LRP1B: variants seen among roughly 807,000 people sequenced by gnomAD.
LRP1B encodes low-density lipoprotein receptor-related protein 1B.
Under a neutral mutation model 556.6 loss-of-function variants are expected in LRP1B, and 217 were observed. The observed-to-expected ratio is 0.39, with a 90% confidence interval of 0.35 to 0.44. The LOEUF (loss-of-function observed/expected upper bound fraction) is 0.44. LRP1B is among the 20% of genes least tolerant of loss of function. The probability of loss-of-function intolerance (pLI) is 1.00; values close to 1 mark genes in which losing one functional copy is unlikely to be tolerated. For synonymous variants in LRP1B, 2,047 were observed against 1,865.8 expected (o/e 1.10, Z -2.50); for missense variants, 5,053 against 5,620.8 (o/e 0.90, Z 3.23).
chr2:141,031,300 AAGAG>A (rs1201134291), intron 11 of LRP1B, among the ~76,000 whole-genome samples: 1 of 147,700 alleles, frequency 6.8e-6, no homozygotes, highest in Admixed American at 6.8e-5. Context: ...TATATATATA[AAGAG>A]AGAGAGAGAG....
intron 15 of LRP1B, among the ~76,000 whole-genome samples, chr2:141,000,897 A>T (rs1384271260): frequency 1.8e-5 from 2 of 113,228 alleles, no homozygotes; most frequent in Admixed American, 1.0e-4. Flanking sequence ...TTTATTTATC[A>T]ATCTGTCAAT....
At chr2:140,318,258 T>C (rs984822438) in intron 82 of LRP1B, among the ~76,000 whole-genome samples, 7 of 152,142 alleles carry the variant, frequency 4.6e-5, no homozygotes, top group African/African-American at 1.7e-4. Context: ...GTCCAAACTG[T>C]TTATTTTTCA....
chr2:141,404,274 T>C (rs972075233), intron 3 of LRP1B, among the ~76,000 whole-genome samples: 1 of 152,214 alleles, frequency 6.6e-6, no homozygotes, highest in Non-Finnish European at 1.5e-5. Context: ...ATAATTTTCT[T>C]TGATGTGATG....
chr2:140,765,513 A>G (rs1464311499), intron 35 of LRP1B, among the ~76,000 whole-genome samples: 1 of 152,134 alleles, frequency 6.6e-6, no homozygotes, highest in African/African-American at 2.4e-5. Flanking sequence ...ATTTATCAGG[A>G]GGAATATCAC....
At chr2:140,708,955 T>C (rs1170959174) in intron 37 of LRP1B, among the ~76,000 whole-genome samples, 1 of 152,062 alleles carries the variant, frequency 6.6e-6, no homozygotes, top group Non-Finnish European at 1.5e-5. Flanking sequence ...TGCTTTAAGA[T>C]GCAAAATATA....
intron 3 of LRP1B, among the ~76,000 whole-genome samples, chr2:141,471,352 C>T (rs1682467173): frequency 6.8e-6 from 1 of 147,222 alleles, no homozygotes. Context: ...TACTGTATAC[C>T]TATTCTAATG....
At chr2:141,422,854 G>C (rs796770191) in intron 3 of LRP1B, among the ~76,000 whole-genome samples, 20 of 152,252 alleles carry the variant, frequency 1.3e-4, no homozygotes, top group African/African-American at 4.8e-4. Flanking sequence ...TCTGTGAAGA[G>C]ATTCAGGTGG....
At chr2:142,041,005 C>T (rs531807037) in intron 1 of LRP1B, among the ~76,000 whole-genome samples, 26 of 151,418 alleles carry the variant, frequency 1.7e-4, no homozygotes, top group African/African-American at 5.5e-4. Context: ...TCCAGTGAAA[C>T]GTTTCTAAAA....
At chr2:141,195,383 A>AAGTG in intron 6 of LRP1B, among the ~76,000 whole-genome samples, 1 of 152,084 alleles carries the variant, frequency 6.6e-6, no homozygotes, top group Non-Finnish European at 1.5e-5. Context: ...GAGTCTCTAT[A>AAGTG]ACAGAACCAC....
intron 7 of LRP1B, among the ~76,000 whole-genome samples, chr2:141,187,643 A>T (rs1681316366): frequency 6.6e-6 from 1 of 152,020 alleles, no homozygotes; most frequent in Admixed American, 6.6e-5. Flanking sequence ...CCCTCTAATA[A>T]TACCACCATA....
intron 87 of LRP1B, among the ~76,000 whole-genome samples, chr2:140,240,568 G>A (rs1413261753): frequency 1.3e-5 from 2 of 150,826 alleles, no homozygotes; most frequent in South Asian, 2.1e-4. Flanking sequence ...AGGGTTGCCT[G>A]ATAACAGGAA....
At chr2:140,345,879 A>ATATATATATATAT (rs1426120597) in intron 77 of LRP1B, among the ~76,000 whole-genome samples, 11 of 137,430 alleles carry the variant, frequency 8.0e-5, no homozygotes, top group African/African-American at 1.3e-4. Context: ...TATATATATA[A>ATATATATATATAT]AAAAAATAGC....
chr2:140,744,527 C>T (rs1278708211), intron 35 of LRP1B, among the ~76,000 whole-genome samples: 1 of 152,114 alleles, frequency 6.6e-6, no homozygotes, highest in East Asian at 1.9e-4. Context: ...ACTTGTCAGC[C>T]GGCTCACAGA....
intron 3 of LRP1B, among the ~76,000 whole-genome samples, chr2:141,271,121 T>A (rs1685074379): frequency 1.3e-5 from 2 of 151,728 alleles, no homozygotes; most frequent in Admixed American, 1.3e-4. Flanking sequence ...AATGAAAATT[T>A]TATTTGAGGG....
At chr2:141,517,905 A>G (rs1249967300) in intron 2 of LRP1B, among the ~76,000 whole-genome samples, 1 of 152,198 alleles carries the variant, frequency 6.6e-6, no homozygotes, top group Non-Finnish European at 1.5e-5. Context: ...AGCAAACTTT[A>G]TACTGGTAAA....
chr2:141,617,923 C>T (rs757794646), intron 2 of LRP1B, among the ~76,000 whole-genome samples: 2 of 152,084 alleles, frequency 1.3e-5, no homozygotes, highest in Non-Finnish European at 2.9e-5. Flanking sequence ...AAAACAAGAA[C>T]CTACAAGCTA....
intron 7 of LRP1B, among the ~76,000 whole-genome samples, chr2:141,072,730 T>C (rs1699681252): frequency 6.6e-6 from 1 of 152,188 alleles, no homozygotes; most frequent in Middle Eastern, 3.4e-3. Flanking sequence ...TTTGATTCAC[T>C]TCACCTCACA....
chr2:142,039,597 G>A (rs1449956773), intron 1 of LRP1B, among the ~76,000 whole-genome samples: 4 of 151,502 alleles, frequency 2.6e-5, no homozygotes, highest in Non-Finnish European at 5.9e-5. Flanking sequence ...GGGTAGATGG[G>A]AATAGTGTGT....
intron 35 of LRP1B, among the ~76,000 whole-genome samples, chr2:140,729,743 G>A (rs909948131): frequency 6.6e-6 from 1 of 152,156 alleles, no homozygotes; most frequent in Non-Finnish European, 1.5e-5. Flanking sequence ...GTAGGTTGCA[G>A]TTGCTTCTCA....
Sources: allele counts gnomAD v4.1 joint callset (sites outside exome capture counted in the v4.1 genomes callset), GRCh38; gene constraint gnomAD v4.1.1; transcripts MANE v1.5; gene names NCBI Gene and HGNC (gene_info 2026-07-23, HGNC 2026-07-21).